KCNIP4: variants seen among roughly 807,000 people sequenced by gnomAD.
KCNIP4 encodes the protein Kv channel-interacting protein 4.
KCNIP4 carries 12 observed loss-of-function variants against 34.0 expected under a neutral mutation model. That is an observed-to-expected ratio of 0.35 (90% CI 0.23 to 0.57). KCNIP4 has a LOEUF of 0.57. KCNIP4 is among the 20% of genes least tolerant of loss of function. KCNIP4 has a pLI of 0.83. For synonymous variants in KCNIP4, 124 were observed against 102.2 expected (o/e 1.21, Z -1.29); for missense variants, 238 against 311.7 (o/e 0.76, Z 1.78).
chr4:21,247,881 C>T (rs1760394289), intron 1 of KCNIP4, among the ~76,000 whole-genome samples: 1 of 138,762 alleles, frequency 7.2e-6, no homozygotes, highest in Admixed American at 7.4e-5. Context: ...CACACACACA[C>T]ACCACAGGTA....
At chr4:21,358,313 TATA>T (rs1288426098) in intron 1 of KCNIP4, among the ~76,000 whole-genome samples, 1 of 151,946 alleles carries the variant, frequency 6.6e-6, no homozygotes, top group Admixed American at 6.6e-5. Flanking sequence ...GAACTTAAAG[TATA>T]ATAATAATAA....
intron 1 of KCNIP4, among the ~76,000 whole-genome samples, chr4:21,081,591 CATTT>C (rs1746011745): frequency 6.6e-6 from 1 of 151,716 alleles, no homozygotes; most frequent in African/African-American, 2.4e-5. Context: ...ACTATGCAAT[CATTT>C]ATTTATTGGC....
At position 21,108,332 on chromosome 4, in the gene KCNIP4, CTTCATTTCA is replaced by C. The variant is rs907279602; in HGVS notation, c.62-225632_62-225624del. The stretch of plus-strand genomic sequence containing the variant: ...TTTTTTCTCTAAACTTCCCTTCTCG[CTTCATTTCA>C]TTCATTTCATCTTCCATCACTGATA... On this transcript the variant is annotated intron_variant, in intron 1 of 8. Transcript: ENST00000382152. 1.7e-4 allele frequency among the ~76,000 whole-genome samples: 26 copies of C among 148,770 alleles called. 1 individual carries two copies. Among genetic ancestry groups the C allele is most frequent in the African/African-American group, 6.4e-4 (25 of 39,036 alleles).
At chr4:20,790,386 A>G (rs1363498896) in intron 3 of KCNIP4, among the ~76,000 whole-genome samples, 3 of 152,170 alleles carry the variant, frequency 2.0e-5, no homozygotes, top group Admixed American at 6.6e-5. Context: ...TAAAAAATAT[A>G]TATCTTCAAT....
intron 1 of KCNIP4, among the ~76,000 whole-genome samples, chr4:21,013,940 T>A (rs1435663471): frequency 6.6e-6 from 1 of 152,150 alleles, no homozygotes; most frequent in Non-Finnish European, 1.5e-5. Flanking sequence ...GTCCTCATTA[T>A]CCCTTTACTT....
At chr4:21,353,898 G>T (rs1718287310) in intron 1 of KCNIP4, among the ~76,000 whole-genome samples, 1 of 152,186 alleles carries the variant, frequency 6.6e-6, no homozygotes. Context: ...CAGCCAGAAA[G>T]AAAGGTCGGG....
intron 1 of KCNIP4, among the ~76,000 whole-genome samples, chr4:21,652,902 A>G (rs1014234884): frequency 6.6e-6 from 1 of 152,182 alleles, no homozygotes; most frequent in Admixed American, 6.5e-5. Context: ...ACTTCAAGCA[A>G]TGTGGAGCAA....
intron 1 of KCNIP4, among the ~76,000 whole-genome samples, chr4:21,570,463 T>A (rs915078127): frequency 5.9e-5 from 9 of 152,048 alleles, no homozygotes; most frequent in African/African-American, 2.2e-4. Context: ...AAATATACAA[T>A]AGCTGTTTGT....
intron 1 of KCNIP4, among the ~76,000 whole-genome samples, chr4:21,346,295 A>G (rs1166235125): frequency 8.6e-6 from 1 of 116,498 alleles, no homozygotes; most frequent in African/African-American, 3.2e-5. Context: ...TCACATTTGT[A>G]TATATGTATA....
intron 1 of KCNIP4, among the ~76,000 whole-genome samples, chr4:21,105,141 T>C: frequency 6.6e-6 from 1 of 151,650 alleles, no homozygotes. Flanking sequence ...AGAAAGTCAT[T>C]GGTAGCTTGA....
At chr4:21,647,863 CTTTTTTTTTTTTT>C (rs10539950) in intron 1 of KCNIP4, among the ~76,000 whole-genome samples, 1 of 60,178 alleles carries the variant, frequency 1.7e-5, no homozygotes, top group Non-Finnish European at 2.6e-5. Flanking sequence ...TACAATGATG[CTTTTTTTTTTTTT>C]TTTTTTTTTT....
At chr4:21,423,339 T>G (rs1446366571) in intron 1 of KCNIP4, among the ~76,000 whole-genome samples, 1 of 152,252 alleles carries the variant, frequency 6.6e-6, no homozygotes, top group Non-Finnish European at 1.5e-5. Flanking sequence ...TGAGTTCTAT[T>G]GCTACTAACA....
At chr4:21,830,564 C>T (rs1370554884) in intron 1 of KCNIP4, among the ~76,000 whole-genome samples, 1 of 152,032 alleles carries the variant, frequency 6.6e-6, no homozygotes, top group Non-Finnish European at 1.5e-5. Flanking sequence ...ATCCCAGCTA[C>T]TCAGGAAGCT....
intron 3 of KCNIP4, among the ~76,000 whole-genome samples, chr4:20,778,192 T>C (rs1355078381): frequency 6.6e-6 from 1 of 152,126 alleles, no homozygotes; most frequent in Non-Finnish European, 1.5e-5. Flanking sequence ...TTGCATCTAG[T>C]CTCCACTACT....
At chr4:21,702,070 A>C (rs1577872707) in intron 1 of KCNIP4, among the ~76,000 whole-genome samples, 1 of 152,152 alleles carries the variant, frequency 6.6e-6, no homozygotes, top group Non-Finnish European at 1.5e-5. Flanking sequence ...AGGATAATAG[A>C]TATGTTGTTC....
In KCNIP4 at chr4:20,819,096, C is replaced by T. The variant is rs529010187; in HGVS notation, c.288+31447G>A. On this transcript the variant is annotated intron_variant, in intron 3 of 8. Coordinates refer to ENST00000382152, the MANE Select transcript of KCNIP4 (RefSeq NM_025221.6). ...ACAGGGTTTCTCCATGTTGGTCAGG[C>T]TGGTTTTGAACTCTCGACCTCCCAA... Among the ~76,000 whole-genome samples, 11 of 151,926 alleles carry T rather than the reference C, an allele frequency of 7.2e-5. No homozygotes were observed. The South Asian group carries it at 1.7e-3, about 23-fold the overall frequency.
At chr4:21,372,450 G>C (rs2109444309) in intron 1 of KCNIP4, among the ~76,000 whole-genome samples, 1 of 146,542 alleles carries the variant, frequency 6.8e-6, no homozygotes, top group Middle Eastern at 3.4e-3. Context: ...ATATATGTGT[G>C]TATGTGTGTG....
At chr4:21,613,968 T>G (rs1744382425) in intron 1 of KCNIP4, among the ~76,000 whole-genome samples, 1 of 150,144 alleles carries the variant, frequency 6.7e-6, no homozygotes, top group African/African-American at 2.5e-5. Flanking sequence ...ATGGTGAAAA[T>G]CTGTCTCTAC....
At chr4:21,213,180 G>C (rs1577897865) in intron 1 of KCNIP4, among the ~76,000 whole-genome samples, 1 of 152,096 alleles carries the variant, frequency 6.6e-6, no homozygotes, top group Non-Finnish European at 1.5e-5. Flanking sequence ...GAGCACATGA[G>C]GCAAAGTTGG....
Sources: gnomAD v4.1 joint callset for allele counts (sites outside exome capture counted in the v4.1 genomes callset) on GRCh38, gnomAD v4.1.1 for gene constraint, MANE v1.5 for transcripts, NCBI Gene and HGNC (gene_info 2026-07-23, HGNC 2026-07-21) for gene names.